Variants in ALK observed in about 807,000 individuals in gnomAD.
ALK encodes ALK receptor tyrosine kinase.
In ALK, 74 loss-of-function variants were observed where a neutral mutation model predicts 163.1. The ratio of observed to expected loss-of-function variants is 0.45; its 90% CI spans 0.38 to 0.55. ALK has a LOEUF of 0.55. Among genes scored for constraint, ALK ranks in the 20% least tolerant of loss-of-function variants. The pLI is 0.00. For synonymous variants in ALK, 960 were observed against 843.2 expected (o/e 1.14, Z -2.40); for missense variants, 2,063 against 2,105.3 (o/e 0.98, Z 0.39).
At chr2:29,691,012 G>T (rs1678378873) in intron 3 of ALK, among the ~76,000 whole-genome samples, 1 of 152,188 alleles carries the variant, frequency 6.6e-6, no homozygotes, top group Non-Finnish European at 1.5e-5. Flanking sequence ...ATAGGACACT[G>T]CTTGGCCATT....
chr2:29,528,542 T>C (rs1673023310), intron 4 of ALK, among the ~76,000 whole-genome samples: 1 of 152,142 alleles, frequency 6.6e-6, no homozygotes, highest in African/African-American at 2.4e-5. Flanking sequence ...TCTGCTTGTG[T>C]CTTCCTTACT....
intron 4 of ALK, among the ~76,000 whole-genome samples, chr2:29,525,004 G>A (rs1672920140): frequency 6.6e-6 from 1 of 152,166 alleles, no homozygotes; most frequent in Admixed American, 6.5e-5. Flanking sequence ...ATGGGATGGA[G>A]CTTCCTTCTG....
At chr2:29,207,304 A>C (rs1298327840) in intron 25 of ALK, 32 bp from the exon 26 acceptor site, 1 of 1,539,778 alleles carries the variant, frequency 6.5e-7, no homozygotes, top group Non-Finnish European at 9.0e-7. Flanking sequence ...CCAAACTAGG[A>C]TCTGGAGATG....
intron 4 of ALK, among the ~76,000 whole-genome samples, chr2:29,452,182 C>T (rs1199859421): frequency 1.3e-5 from 2 of 152,182 alleles, no homozygotes; most frequent in African/African-American, 4.8e-5. Flanking sequence ...TCCTTGTCTT[C>T]TACACTTGGC....
chr2:29,420,242 C>A (rs1669984927), intron 4 of ALK, among the ~76,000 whole-genome samples: 1 of 148,824 alleles, frequency 6.7e-6, no homozygotes, highest in Non-Finnish European at 1.5e-5. Context: ...TTTTAATGAA[C>A]AATTAGGTTC....
chr2:29,304,728 G>A (rs1392430224), intron 8 of ALK, among the ~76,000 whole-genome samples: 2 of 152,168 alleles, frequency 1.3e-5, no homozygotes, highest in Non-Finnish European at 2.9e-5. Context: ...TGTATTAACT[G>A]TGTGACCTTA....
intron 1 of ALK, among the ~76,000 whole-genome samples, chr2:29,825,812 T>C (rs901141061): frequency 6.6e-6 from 1 of 152,010 alleles, no homozygotes. Context: ...GATCTGAACT[T>C]GGACTGGGAT....
intron 5 of ALK, among the ~76,000 whole-genome samples, chr2:29,344,109 T>C (rs1278360606): frequency 6.6e-6 from 1 of 152,182 alleles, no homozygotes; most frequent in African/African-American, 2.4e-5. Context: ...CAATAAATAG[T>C]AGACAATGAG....
chr2:29,591,409 G>C (rs1050207892), intron 3 of ALK, among the ~76,000 whole-genome samples: 2 of 152,140 alleles, frequency 1.3e-5, no homozygotes, highest in African/African-American at 4.8e-5. Context: ...AGCCAGGATG[G>C]TAAACAAGGG....
rs141534978 is a variant in ALK, at chr2:29,649,217, T to TGAGAGAGAGAGAGA, written c.952+45619_952+45632dup. On this transcript the variant is annotated intron_variant, in intron 3 of 28. Transcript: ENST00000389048. ...GTGTGTGAGAGAGAGTGTGTGTATG[T>TGAGAGAGAGAGAGA]GAGAGAGAGAGAGAGAGAGAGAGAG... Among the ~76,000 whole-genome samples the TGAGAGAGAGAGAGA allele has an allele frequency of 6.1e-4, 90 of 147,536 alleles. 1 individual carries two copies. Among genetic ancestry groups the TGAGAGAGAGAGAGA allele is most frequent in the Admixed American group, 3.3e-3 (48 of 14,714 alleles).
intron 1 of ALK, among the ~76,000 whole-genome samples, chr2:29,887,274 T>C (rs1667008815): frequency 6.6e-6 from 1 of 152,232 alleles, no homozygotes; most frequent in Non-Finnish European, 1.5e-5. Flanking sequence ...GGTGGCTTCA[T>C]TCATATGCCT....
intron 3 of ALK, among the ~76,000 whole-genome samples, chr2:29,657,103 C>T (rs2148258642): frequency 6.6e-6 from 1 of 152,158 alleles, no homozygotes; most frequent in South Asian, 2.1e-4. Flanking sequence ...TGATCCAGTG[C>T]CCTTGCCCTG....
In ALK at chr2:29,791,161, A is replaced by G. The variant is rs575889501; in HGVS notation, c.668-73464T>C. Among the ~76,000 whole-genome samples, 20 of 152,328 alleles carry G rather than the reference A, an allele frequency of 1.3e-4. No homozygotes were observed. In the South Asian group the frequency reaches 3.7e-3, roughly 28 times the overall value. ...CATATGTAATTGATGTTGTCAGACA[A>G]TATTTCCACACATGCACACATATGT... On this transcript the variant is annotated intron_variant, in intron 1 of 28. Coordinates refer to ENST00000389048, the MANE Select transcript of ALK (RefSeq NM_004304.5).
At chr2:29,689,285 G>A (rs183444532) in intron 3 of ALK, among the ~76,000 whole-genome samples, 145 of 152,324 alleles carry the variant, frequency 9.5e-4, no homozygotes, top group Non-Finnish European at 1.7e-3. Flanking sequence ...TCAGAGGTGA[G>A]ACTCAGAGTC....
chr2:29,415,219 TC>T (rs1472403862), intron 4 of ALK, among the ~76,000 whole-genome samples: 5 of 151,302 alleles, frequency 3.3e-5, no homozygotes, highest in Non-Finnish European at 7.4e-5. Context: ...CATCAGGTAC[TC>T]TTTATTGCAA....
chr2:29,508,191 G>A (rs561958304), intron 4 of ALK, among the ~76,000 whole-genome samples: 1 of 152,060 alleles, frequency 6.6e-6, no homozygotes, highest in African/African-American at 2.4e-5. Flanking sequence ...AGTACACGTG[G>A]ACCCTCTGAA....
intron 6 of ALK, among the ~76,000 whole-genome samples, chr2:29,327,823 G>A (rs1667316636): frequency 6.6e-6 from 1 of 152,184 alleles, no homozygotes; most frequent in Non-Finnish European, 1.5e-5. Context: ...ACTTGTGGGG[G>A]ATGGCCAGGG....
At chr2:29,360,377 CAGCTAATCCTCTCCTGTCCCTGGTCT>C (rs1668358663) in intron 5 of ALK, among the ~76,000 whole-genome samples, 1 of 152,168 alleles carries the variant, frequency 6.6e-6, no homozygotes, top group East Asian at 1.9e-4. Flanking sequence ...TGCCCTTGGT[CAGCTAATCCTCTCCTGTCCCTGGTCT>C]AGCCTCTGTG....
chr2:29,242,592 G>T (rs1264850344), intron 12 of ALK, among the ~76,000 whole-genome samples: 2 of 152,158 alleles, frequency 1.3e-5, no homozygotes, highest in Non-Finnish European at 2.9e-5. Context: ...GGTGGGGTGG[G>T]ATGGAAAAAG....
Sources: allele counts gnomAD v4.1 joint callset (sites outside exome capture counted in the v4.1 genomes callset), GRCh38; gene constraint gnomAD v4.1.1; transcripts MANE v1.5; gene names NCBI Gene and HGNC (gene_info 2026-07-23, HGNC 2026-07-21).